Variants in PLD1 observed in about 807,000 individuals in gnomAD.
PLD1 encodes the protein choline phosphatase 1.
A neutral mutation model predicts 137.1 loss-of-function variants in PLD1; 112 were observed. The ratio of observed to expected loss-of-function variants is 0.82; its 90% CI spans 0.70 to 0.96. PLD1 has a LOEUF of 0.96. Among genes scored for constraint, PLD1 ranks in the 40% least tolerant of loss-of-function variants. PLD1 has a pLI of 0.00. For missense variants in PLD1, 1,321 were observed against 1,342.0 expected (o/e 0.98, Z 0.24); for synonymous variants, 431 against 454.7 (o/e 0.95, Z 0.66).
chr3:171,653,148 G>A (rs1300412885), intron 21 of PLD1: 3 of 152,064 alleles, frequency 2.0e-5, no homozygotes, highest in African/African-American at 4.8e-5. Context: ...CTGTAGAATG[G>A]GAGTAATTAC....
chr3:171,668,438 C>T (rs191990172), intron 19 of PLD1, among the ~76,000 whole-genome samples: 213 of 152,346 alleles, frequency 1.4e-3, no homozygotes, highest in African/African-American at 5.0e-3. Context: ...CTAACAGATC[C>T]TTGGGAATAT....
At position 171,698,854 on chromosome 3, in the gene PLD1, T is replaced by A. The variant is rs1023572161; in HGVS notation, c.1227+891A>T. 3.2e-4 allele frequency among the ~76,000 whole-genome samples: 48 copies of A among 148,080 alleles called. 1 individual carries two copies. Among genetic ancestry groups the A allele is most frequent in the African/African-American group, 1.2e-3 (47 of 40,142 alleles). On this transcript the variant is annotated intron_variant, in intron 12 of 26. Transcript: ENST00000351298. Reference sequence around the variant, plus strand: ...AGCCAGGCATGGTGGTGGGCACTTGTAATCCCAGCTATTTGGGAGGCTGAG... The same window carrying A: ...AGCCAGGCATGGTGGTGGGCACTTGAAATCCCAGCTATTTGGGAGGCTGAG...
chr3:171,638,402 T>C (rs901918807), intron 23 of PLD1, among the ~76,000 whole-genome samples: 1 of 152,134 alleles, frequency 6.6e-6, no homozygotes, highest in Admixed American at 6.5e-5. Flanking sequence ...TGTGACATCA[T>C]TTGGTGATAG....
chr3:171,659,205 G>T lies in PLD1; in HGVS notation c.2429+8C>A. ...CTGCAGCGAGAACTCTCAGCCAAAG[G>T]CTGTTACCTGTGAGCTTTCAGGATC... On this transcript the variant is annotated splice_region_variant and intron_variant, in intron 21 of 26. Coordinates refer to ENST00000351298, the MANE Select transcript of PLD1 (RefSeq NM_002662.5). 1 of 1,589,606 alleles carries T rather than the reference G, an allele frequency of 6.3e-7. No homozygotes were observed. The highest frequency in any genetic ancestry group is 8.6e-7 in the Non-Finnish European group (1 of 1,157,648).
At chr3:171,799,337 T>TAAAA (rs758379833) in intron 1 of PLD1, among the ~76,000 whole-genome samples, 47 of 57,858 alleles carry the variant, frequency 8.1e-4, no homozygotes, top group East Asian at 1.2e-3. Flanking sequence ...AGACTCCGTC[T>TAAAA]AAAAAAAAAA....
intron 19 of PLD1, among the ~76,000 whole-genome samples, chr3:171,665,544 AC>A (rs1289213256): frequency 6.6e-6 from 1 of 152,252 alleles, no homozygotes; most frequent in East Asian, 1.9e-4. Flanking sequence ...TATTAAAAAT[AC>A]AAAAATTAGC....
chr3:171,761,849 G>A (rs1288516791), intron 1 of PLD1, among the ~76,000 whole-genome samples: 1 of 152,058 alleles, frequency 6.6e-6, no homozygotes, highest in African/African-American at 2.4e-5. Flanking sequence ...TTAGATGCAG[G>A]CCAGCCTCTT....
chr3:171,779,374 G>T (rs1722702041), intron 1 of PLD1, among the ~76,000 whole-genome samples: 1 of 152,150 alleles, frequency 6.6e-6, no homozygotes, highest in Non-Finnish European at 1.5e-5. Context: ...AAAAAAAAGA[G>T]AGGTGTCAAG....
At chr3:171,748,759 T>C (rs1370910905) in intron 1 of PLD1, among the ~76,000 whole-genome samples, 1 of 151,164 alleles carries the variant, frequency 6.6e-6, no homozygotes, top group African/African-American at 2.4e-5. Context: ...GTGAAACAAG[T>C]TATTTCTGTC....
intron 12 of PLD1, among the ~76,000 whole-genome samples, chr3:171,694,153 T>G (rs1450865459): frequency 6.6e-6 from 1 of 152,128 alleles, no homozygotes; most frequent in Admixed American, 6.5e-5. Context: ...GTGTATGTAT[T>G]TCTGGAGGTG....
At chr3:171,671,065 T>TG (rs1712691383) in intron 19 of PLD1, among the ~76,000 whole-genome samples, 1 of 152,222 alleles carries the variant, frequency 6.6e-6, no homozygotes, top group African/African-American at 2.4e-5. Context: ...ATGACAAAAC[T>TG]GGGCTCAGGG....
intron 11 of PLD1, among the ~76,000 whole-genome samples, chr3:171,702,735 T>G (rs1716355412): frequency 6.6e-6 from 1 of 152,130 alleles, no homozygotes; most frequent in Admixed American, 6.5e-5. Flanking sequence ...CTACAGACTT[T>G]GCCAACTTTA....
intron 1 of PLD1, among the ~76,000 whole-genome samples, chr3:171,748,870 G>GC (rs978105104): frequency 2.6e-4 from 39 of 149,022 alleles, no homozygotes; most frequent in African/African-American, 8.9e-4. Context: ...TTGTTCCTAT[G>GC]CCCCTAGTTA....
In PLD1 at chr3:171,726,070, A is replaced by G; in HGVS notation, c.613T>C (p.Phe205Leu). The stretch of plus-strand genomic sequence containing the variant: ...AAAGACAGCTGGCTTATATCAAGAA[A>G]CTCTGTCTGAAAAGAAGCAAAAAAT... The part of the protein sequence containing the change: ...MYRNYHATTE[F>L]LDISQLSFIH... The change falls in exon 7 of 27, where the codon TTT (phenylalanine) becomes CTT (leucine). Residue 205 changes from phenylalanine (F) to leucine (L), a missense_variant. By Grantham distance (22) the Phe-to-Leu change is conservative (BLOSUM62 0). Coordinates refer to ENST00000351298, the MANE Select transcript of PLD1 (RefSeq NM_002662.5). 1 of 1,611,748 alleles carries G rather than the reference A, an allele frequency of 6.2e-7. No homozygotes were observed.
intron 1 of PLD1, among the ~76,000 whole-genome samples, chr3:171,757,818 G>A (rs534705543): frequency 8.7e-4 from 133 of 152,254 alleles, no homozygotes; most frequent in African/African-American, 3.1e-3. Context: ...AAATCACTTG[G>A]TCTTAAAAGT....
At chr3:171,677,829 C>T in intron 16 of PLD1, 135 bp from the exon 17 acceptor site, 1 of 787,370 alleles carries the variant, frequency 1.3e-6, no homozygotes, top group East Asian at 2.6e-5. Flanking sequence ...TCTGTCCATT[C>T]TATTACAGGC....
At chr3:171,658,198 TGG>T (rs139615865) in intron 21 of PLD1, among the ~76,000 whole-genome samples, 1,628 of 152,188 alleles carry the variant, frequency 0.011, 38 homozygotes, top group African/African-American at 0.038. Flanking sequence ...ACAGAGAAAC[TGG>T]ACCTCTCATA....
At chr3:171,635,965 CTTTTTTTTTTTTTTTTTTTT>C (rs71178231) in intron 23 of PLD1, among the ~76,000 whole-genome samples, 7 of 49,252 alleles carry the variant, frequency 1.4e-4, no homozygotes, top group Admixed American at 1.0e-3. Context: ...GGTTCAACTT[CTTTTTTTTTTTTTTTTTTTT>C]TTTTTTTTTT....
At chr3:171,787,153 A>G (rs73879837) in intron 1 of PLD1, among the ~76,000 whole-genome samples, 4,766 of 152,086 alleles carry the variant, frequency 0.031, 275 homozygotes, top group African/African-American at 0.11. Flanking sequence ...TCTCTTCCCA[A>G]TCAATGCCCA....
Sources: gnomAD v4.1 joint callset for allele counts (sites outside exome capture counted in the v4.1 genomes callset) on GRCh38, gnomAD v4.1.1 for gene constraint, MANE v1.5 for transcripts, NCBI Gene and HGNC (gene_info 2026-07-23, HGNC 2026-07-21) for gene names.